The following UGT1A10 variants were observed in gnomAD, a reference collection of about 807,000 sequenced individuals.
UGT1A10 encodes the protein UDP-glucuronosyltransferase 1A10.
In UGT1A10, 49 loss-of-function variants were observed where a neutral mutation model predicts 45.8. The ratio of observed to expected loss-of-function variants is 1.07; its 90% CI spans 0.85 to 1.36. UGT1A10 has a LOEUF of 1.36. UGT1A10 is among the 40% of genes most tolerant of loss of function. The pLI, the probability that UGT1A10 is intolerant of heterozygous loss-of-function variation, is 0.00. For synonymous variants in UGT1A10, 284 were observed against 249.7 expected, an observed-to-expected ratio of 1.14 and a Z score of -1.29; for missense variants, 745 against 668.6, an observed-to-expected ratio of 1.11 and a Z score of -1.26.
chr2:233,755,141 C>A lies in UGT1A10; in HGVS notation c.856-11893C>A. On this transcript the variant is annotated intron_variant, in intron 1 of 4. Coordinates refer to ENST00000344644, the MANE Select transcript of UGT1A10 (RefSeq NM_019075.4). ...CCTCAGCCACCTGCTTGAATCTTCT[C>A]ACCGCTTCCTCCCTGTCCTCGGGGT... 4 of 1,309,666 alleles carry A rather than the reference C, an allele frequency of 3.1e-6. No homozygotes were observed. In the South Asian group the frequency reaches 4.6e-5, roughly 15 times the overall value. 81.1% of individuals were successfully genotyped at this position (1,309,666 alleles called of 1,614,324 possible). A position where few individuals can be genotyped will look rare whatever the true frequency, so the allele number is the denominator to read the frequency against.
At chr2:233,654,912 CA>C (rs2073822650) in intron 1 of UGT1A10, among the ~76,000 whole-genome samples, 2 of 152,016 alleles carry the variant, frequency 1.3e-5, no homozygotes, top group Non-Finnish European at 2.9e-5. Flanking sequence ...GCCAACATGG[CA>C]AAACCCCGTC....
At chr2:233,654,829 C>A (rs528579542) in intron 1 of UGT1A10, among the ~76,000 whole-genome samples, 2 of 152,294 alleles carry the variant, frequency 1.3e-5, no homozygotes, top group South Asian at 2.1e-4. Flanking sequence ...CAGTGGCTCA[C>A]GCCTGTAATC....
At chr2:233,659,266 G>A (rs2073917866) in intron 1 of UGT1A10, among the ~76,000 whole-genome samples, 1 of 152,066 alleles carries the variant, frequency 6.6e-6, no homozygotes, top group Non-Finnish European at 1.5e-5. Context: ...CAACCTCGCA[G>A]GTAGTCTAAA....
rs1209957250 is a variant in UGT1A10 at position 233,691,739 on chromosome 2, T to G, written c.855+54362T>G. On this transcript the variant is annotated intron_variant, in intron 1 of 4. Coordinates refer to ENST00000344644, the MANE Select transcript of UGT1A10 (RefSeq NM_019075.4). ...GATGGGTGGCTGGGCCAGAAGCAGATACCAGGCTTTCTGACTCCTGCTCTA... is the reference window on the plus strand; with the variant it reads ...GATGGGTGGCTGGGCCAGAAGCAGAGACCAGGCTTTCTGACTCCTGCTCTA... 4 of 680,470 alleles carry G rather than the reference T, an allele frequency of 5.9e-6. No homozygotes were observed. The East Asian group carries it at 4.0e-4, about 68-fold the overall frequency. 42.2% of individuals were successfully genotyped at this position (680,470 alleles called of 1,614,324 possible). A position where few individuals can be genotyped will look rare whatever the true frequency, so the allele number is the denominator to read the frequency against.
At chr2:233,705,012 T>A (rs544165304) in intron 1 of UGT1A10, among the ~76,000 whole-genome samples, 126 of 152,168 alleles carry the variant, frequency 8.3e-4, no homozygotes, top group Non-Finnish European at 1.5e-3. Flanking sequence ...GGCAGGCGCC[T>A]GTAATCCCAG....
chr2:233,693,106 G>A, intron 1 of UGT1A10: 1 of 1,614,158 alleles, frequency 6.2e-7, no homozygotes, highest in Non-Finnish European at 8.5e-7. Context: ...TGGTCCCTCA[G>A]GACGGAAGCC....
At chr2:233,689,021 C>G (rs10171367) in intron 1 of UGT1A10, among the ~76,000 whole-genome samples, 59,752 of 152,004 alleles carry the variant, frequency 0.39, 11,933 homozygotes, top group South Asian at 0.46. Flanking sequence ...ATAAACATGG[C>G]CAAGTGGAAA....
chr2:233,649,177 T>C (rs1009217427), intron 1 of UGT1A10, among the ~76,000 whole-genome samples: 63 of 152,376 alleles, frequency 4.1e-4, no homozygotes, highest in African/African-American at 1.4e-3. Context: ...CACGTGTTTG[T>C]TGGTTAGCAA....
intron 1 of UGT1A10, among the ~76,000 whole-genome samples, chr2:233,679,436 C>A (rs752875090): frequency 1.3e-5 from 2 of 152,206 alleles, no homozygotes; most frequent in East Asian, 1.9e-4. Flanking sequence ...GCAGTCCTGA[C>A]TGTAAACTTG....
intron 1 of UGT1A10, chr2:233,755,386 C>T (rs879759511): frequency 8.4e-5 from 29 of 346,256 alleles, no homozygotes; most frequent in South Asian, 2.1e-4. Flanking sequence ...CCCCTTATGA[C>T]GCAGCCACAT....
chr2:233,656,674 A>G (rs894872003), intron 1 of UGT1A10, among the ~76,000 whole-genome samples: 17 of 152,152 alleles, frequency 1.1e-4, no homozygotes, highest in African/African-American at 4.1e-4. Context: ...AAAGTGGGTC[A>G]GTTGTGTTTA....
At chr2:233,747,515 T>C in intron 1 of UGT1A10, 2 of 1,607,616 alleles carry the variant, frequency 1.2e-6, no homozygotes, top group Non-Finnish European at 1.7e-6. Context: ...AACTGTACTT[T>C]GAAACAGAAC....
intron 1 of UGT1A10, among the ~76,000 whole-genome samples, chr2:233,699,126 T>C (rs868039744): frequency 2.0e-5 from 3 of 152,228 alleles, no homozygotes; most frequent in Admixed American, 6.5e-5. Context: ...GTTCTACTTA[T>C]GTCAGATTCT....
intron 1 of UGT1A10, among the ~76,000 whole-genome samples, chr2:233,675,709 T>C (rs984826117): frequency 2.0e-5 from 3 of 152,236 alleles, no homozygotes; most frequent in Non-Finnish European, 4.4e-5. Flanking sequence ...TTAGGTTAAA[T>C]AATTTTCACT....
chr2:233,767,299 C>A (rs1479626764), intron 2 of UGT1A10, 134 bp downstream of exon 2: 17 of 1,540,620 alleles, frequency 1.1e-5, no homozygotes, highest in Non-Finnish European at 1.3e-5. Flanking sequence ...AACTATTAAT[C>A]CAAAGGTTTT....
Position 233,637,052 on chromosome 2 carries a change from T to G in UGT1A10, c.530T>G (p.Leu177Arg), listed in dbSNP as rs1172948418. 6.2e-7 allele frequency: 1 copy of G among 1,614,014 alleles called. No individual in the cohort carries two copies. Among genetic ancestry groups the G allele is most frequent in the South Asian group, 1.1e-5 (1 of 91,082 alleles). Residue 177 changes from leucine to arginine, a missense_variant, in exon 1 of 5, where the codon CTT becomes CGT. Coordinates refer to ENST00000344644, the MANE Select transcript of UGT1A10 (RefSeq NM_019075.4). ...VFTRGIFCHH[L>R]EEGAQCPAPL... ...ACCAGGGGAATATTTTGCCACCATCTTGAAGAAGGTGCACAGTGCCCTGCT... is the reference window on the plus strand; with the variant it reads ...ACCAGGGGAATATTTTGCCACCATCGTGAAGAAGGTGCACAGTGCCCTGCT...
intron 1 of UGT1A10, among the ~76,000 whole-genome samples, chr2:233,739,357 C>T (rs1308637370): frequency 6.6e-6 from 1 of 152,104 alleles, no homozygotes; most frequent in African/African-American, 2.4e-5. Context: ...AGGGCAGATC[C>T]AATAGCTTGC....
At chr2:233,652,835 GA>G (rs1435140992) in intron 1 of UGT1A10, among the ~76,000 whole-genome samples, 2 of 152,298 alleles carry the variant, frequency 1.3e-5, no homozygotes, top group Non-Finnish European at 2.9e-5. Flanking sequence ...TAGCTAAATA[GA>G]AAAGCTAGAA....
At chr2:233,736,409 A>C (rs752558952) in intron 1 of UGT1A10, among the ~76,000 whole-genome samples, 1 of 152,180 alleles carries the variant, frequency 6.6e-6, no homozygotes, top group Non-Finnish European at 1.5e-5. Context: ...TTAGGCATTC[A>C]TCTAACCTTT....
Sources: allele counts gnomAD v4.1 joint callset (sites outside exome capture counted in the v4.1 genomes callset), GRCh38; gene constraint gnomAD v4.1.1; transcripts MANE v1.5; gene names NCBI Gene and HGNC (gene_info 2026-07-23, HGNC 2026-07-21).